LOXL2: variants seen among roughly 807,000 people sequenced by gnomAD.
The protein encoded by LOXL2 is lysyl oxidase like 2.
In LOXL2, 70 loss-of-function variants were observed where a neutral mutation model predicts 93.0. The ratio of observed to expected loss-of-function variants is 0.75; its 90% confidence interval spans 0.62 to 0.92. LOXL2 has a LOEUF of 0.92. Among genes scored for constraint, LOXL2 ranks in the 40% least tolerant of loss-of-function variants. The probability of loss-of-function intolerance (pLI) is 0.00; values close to 1 mark genes in which losing one functional copy is unlikely to be tolerated. For missense variants in LOXL2, 973 were observed against 1,054.9 expected (o/e 0.92, Z 1.08); for synonymous variants, 438 against 413.2 (o/e 1.06, Z -0.73).
At chr8:23,376,067 C>T (rs1804584000) in intron 1 of LOXL2, among the ~76,000 whole-genome samples, 1 of 152,064 alleles carries the variant, frequency 6.6e-6, no homozygotes, top group African/African-American at 2.4e-5. Context: ...ATGATATGGG[C>T]TGTGGGTTTG....
intron 10 of LOXL2, among the ~76,000 whole-genome samples, chr8:23,308,641 A>G (rs1289623179): frequency 6.6e-6 from 1 of 152,256 alleles, no homozygotes; most frequent in East Asian, 1.9e-4. Flanking sequence ...TTAAGAGTCC[A>G]GGCAAAAAAG....
chr8:23,354,951 T>TATATATA (rs1563200197), intron 3 of LOXL2, among the ~76,000 whole-genome samples: 1,022 of 18,522 alleles, frequency 0.055, 8 homozygotes, highest in Admixed American at 0.1. Context: ...ATATATATAT[T>TATATATA]TTTTTTTTTT....
chr8:23,342,646 T>G (rs1803902114), intron 3 of LOXL2, among the ~76,000 whole-genome samples: 1 of 152,214 alleles, frequency 6.6e-6, no homozygotes. Context: ...TTAGCCAGGA[T>G]GGTCTCGATT....
intron 3 of LOXL2, 79 bp downstream of exon 3, chr8:23,360,011 A>T: frequency 7.4e-7 from 1 of 1,346,296 alleles, no homozygotes; most frequent in South Asian, 1.3e-5. Context: ...ACACTTCTTG[A>T]AATCAATACG....
chr8:23,373,247 G>C (rs1222405730), intron 1 of LOXL2, among the ~76,000 whole-genome samples: 1 of 152,174 alleles, frequency 6.6e-6, no homozygotes, highest in Admixed American at 6.5e-5. Flanking sequence ...CTGCCTAGCT[G>C]GAGTTCGCCT....
intron 7 of LOXL2, among the ~76,000 whole-genome samples, chr8:23,321,417 T>A (rs13280859): frequency 0.7 from 106,780 of 152,030 alleles, 37,825 homozygotes; most frequent in Non-Finnish European, 0.76. Flanking sequence ...GTAGCTGGCA[T>A]GCAGTTCTAA....
At chr8:23,370,016 T>G (rs1003228407) in intron 1 of LOXL2, among the ~76,000 whole-genome samples, 1 of 152,116 alleles carries the variant, frequency 6.6e-6, no homozygotes, top group African/African-American at 2.4e-5. Context: ...AGTTGCACAG[T>G]TACTGCAAGC....
At chr8:23,307,025 CG>C (rs1381551888) in intron 10 of LOXL2, among the ~76,000 whole-genome samples, 1 of 152,214 alleles carries the variant, frequency 6.6e-6, no homozygotes, top group Non-Finnish European at 1.5e-5. Context: ...CTCTCTTCCC[CG>C]AGGTAGCGTC....
At chr8:23,373,719 G>T (rs1203920501) in intron 1 of LOXL2, among the ~76,000 whole-genome samples, 1 of 152,142 alleles carries the variant, frequency 6.6e-6, no homozygotes, top group Non-Finnish European at 1.5e-5. Flanking sequence ...GAGGGACAGA[G>T]AAGTTTGATA....
intron 3 of LOXL2, among the ~76,000 whole-genome samples, chr8:23,350,502 G>C (rs59975747): frequency 0.31 from 46,489 of 151,804 alleles, 9,294 homozygotes; most frequent in African/African-American, 0.57. Flanking sequence ...CCCAGGAGGC[G>C]GAGGTTGCAG....
At chr8:23,374,900 G>T (rs1196266118) in intron 1 of LOXL2, among the ~76,000 whole-genome samples, 1 of 152,172 alleles carries the variant, frequency 6.6e-6, no homozygotes, top group South Asian at 2.1e-4. Context: ...TAGGTTGCCT[G>T]TTCACTCTGA....
chr8:23,308,842 C>T (rs1803273625), intron 10 of LOXL2, among the ~76,000 whole-genome samples: 1 of 152,086 alleles, frequency 6.6e-6, no homozygotes, highest in Admixed American at 6.5e-5. Flanking sequence ...CCCAGCTGAC[C>T]TGACATCATG....
At chr8:23,328,660 C>A in intron 5 of LOXL2, 95 bp from the exon 6 acceptor site, 1 of 1,205,958 alleles carries the variant, frequency 8.3e-7, no homozygotes, top group Non-Finnish European at 1.2e-6. Context: ...CCACCCTGTT[C>A]CCAGGCCAGG....
intron 1 of LOXL2, among the ~76,000 whole-genome samples, chr8:23,394,881 G>A (rs1361159222): frequency 6.6e-6 from 1 of 152,000 alleles, no homozygotes; most frequent in Non-Finnish European, 1.5e-5. Flanking sequence ...AACTATAAAT[G>A]GATTAACAAA....
chr8:23,319,891 G>T lies in LOXL2; in HGVS notation c.1464C>A (p.Ala488=). ...TGAGGCCGGGGCTTCTCACCTGGAA[G>T]GCGTTGCTGGCGAATCCCAGGCCCA... ...RQLGLGFASN[A]FQETWYWHGD... Residue 488 remains alanine (A), a synonymous_variant, in exon 8 of 14, where the codon GCC becomes GCA. Coordinates refer to ENST00000389131, the MANE Select transcript of LOXL2 (RefSeq NM_002318.3). The T allele has an allele frequency of 6.2e-7, 1 of 1,613,470 alleles. No homozygotes were observed. Among genetic ancestry groups the T allele is most frequent in the Non-Finnish European group, 8.5e-7 (1 of 1,179,892 alleles).
chr8:23,390,576 G>A (rs571913175), intron 1 of LOXL2, among the ~76,000 whole-genome samples: 1 of 152,326 alleles, frequency 6.6e-6, no homozygotes, highest in South Asian at 2.1e-4. Context: ...GCAGCCCACC[G>A]CTGGCTCTGG....
chr8:23,350,293 G>T (rs34946728), intron 3 of LOXL2, among the ~76,000 whole-genome samples: 46,667 of 151,976 alleles, frequency 0.31, 9,385 homozygotes, highest in African/African-American at 0.57. Flanking sequence ...AGAGGCTGCT[G>T]GGGGACTGGG....
At chr8:23,327,666 T>A (rs13270949) in intron 6 of LOXL2, among the ~76,000 whole-genome samples, 88,746 of 151,562 alleles carry the variant, frequency 0.59, 28,395 homozygotes, top group Middle Eastern at 0.73. Context: ...CGGGGTAAAA[T>A]CTCCCCCTGT....
rs555426878 is a variant in LOXL2 at position 23,297,914 on chromosome 8, G to C, written c.*129C>G. 3 of 691,226 alleles carry C rather than the reference G, an allele frequency of 4.3e-6. No homozygotes were observed. In the East Asian group the frequency reaches 8.2e-5, roughly 19 times the overall value. The allele number at this position is 691,226 out of a possible 1,614,324, so 42.8% of individuals were successfully genotyped here. A position where few individuals can be genotyped will look rare whatever the true frequency, so the allele number is the denominator to read the frequency against. On this transcript the variant is annotated 3_prime_UTR_variant, in exon 14 of 14. Coordinates refer to ENST00000389131, the MANE Select transcript of LOXL2 (RefSeq NM_002318.3). ...CCTCCTGAGCTTAGACACAGCTGTA[G>C]GGGTCTGGACAGGGTGGGGGCCGGG...
Sources: gnomAD v4.1 joint callset for allele counts (sites outside exome capture counted in the v4.1 genomes callset) on GRCh38, gnomAD v4.1.1 for gene constraint, MANE v1.5 for transcripts, NCBI Gene and HGNC (gene_info 2026-07-23, HGNC 2026-07-21) for gene names.